CPSF2: variants seen among roughly 807,000 people sequenced by gnomAD.
CPSF2 encodes cleavage and polyadenylation specific factor 2.
In CPSF2, 51 loss-of-function variants were observed where a neutral mutation model predicts 84.2. The ratio of observed to expected loss-of-function variants is 0.61; its 90% CI spans 0.48 to 0.77. The LOEUF is 0.77. CPSF2 is among the 30% of genes least tolerant of loss of function. The probability of loss-of-function intolerance (pLI) is 0.00; values close to 1 mark genes in which losing one functional copy is unlikely to be tolerated. For missense variants in CPSF2, 641 were observed against 929.4 expected (o/e 0.69, Z 4.03); for synonymous variants, 286 against 311.9 (o/e 0.92, Z 0.87).
chr14:92,157,881 C>G lies in CPSF2; in HGVS notation c.1818C>G (p.Tyr606Ter). 1 of 1,607,488 alleles carries G rather than the reference C, an allele frequency of 6.2e-7. No individual in the cohort carries two copies. The highest frequency in any genetic ancestry group is 8.5e-7 in the Non-Finnish European group (1 of 1,174,062). ...TVDATSETHI[Y>*]QVRLKDSLVS... ...ATGCCACTAGTGAAACTCACATCTA[C>G]CAGGTAAACATGCCAGGAGTTGCCA... Residue 606 changes from tyrosine to a stop codon, truncating the protein, a stop_gained, in exon 13 of 16, where the codon TAC becomes TAG. Transcript: ENST00000298875. LOFTEE classifies it high-confidence loss of function. This position sits in a 1 kb window ranked among gnomAD's most constrained non-coding sequence, Gnocchi z 4.0.
chr14:92,150,196 C>T (rs1446406837), intron 9 of CPSF2, among the ~76,000 whole-genome samples: 1 of 151,278 alleles, frequency 6.6e-6, no homozygotes, highest in Non-Finnish European at 1.5e-5. Flanking sequence ...CTCACTGCAA[C>T]CTCTACTTCC....
intron 3 of CPSF2, among the ~76,000 whole-genome samples, chr14:92,133,077 G>A (rs374920679): frequency 1.4e-5 from 2 of 147,242 alleles, no homozygotes; most frequent in Non-Finnish European, 3.0e-5. Context: ...GCAACAGAGC[G>A]AGACTACATC....
In CPSF2 at chr14:92,134,372, G is replaced by T; in HGVS notation, c.415+17G>T. ...ATTTGAAAGGTAAAAAGAATTTCCA[G>T]TAGTAAGTATTTAGATGAATGGGGT... On this transcript the variant is annotated intron_variant, in intron 5 of 15. Transcript: ENST00000298875. The T allele has an allele frequency of 6.5e-7, 1 of 1,530,162 alleles. No homozygotes were observed. Among genetic ancestry groups the T allele is most frequent in the South Asian group, 1.1e-5 (1 of 88,274 alleles). The allele number at this position is 1,530,162 out of a possible 1,614,324, so 94.8% of individuals were successfully genotyped here.
intron 9 of CPSF2, among the ~76,000 whole-genome samples, chr14:92,149,150 T>C (rs1239479847): frequency 6.6e-6 from 1 of 152,224 alleles, no homozygotes; most frequent in Non-Finnish European, 1.5e-5. Flanking sequence ...CTTTTCACTG[T>C]GCCTACATTT....
chr14:92,138,426 G>A (rs552516979), intron 7 of CPSF2, 79 bp downstream of exon 7: 3 of 687,456 alleles, frequency 4.4e-6, no homozygotes, highest in South Asian at 3.3e-5. Context: ...GTACATAAAA[G>A]TACAGGTTTC....
chr14:92,138,460 C>G (rs1032604350), intron 7 of CPSF2, 113 bp downstream of exon 7: 4 of 497,414 alleles, frequency 8.0e-6, no homozygotes, highest in Non-Finnish European at 1.4e-5. Context: ...GACGGACTTT[C>G]GCTCTTTCAC....
Position 92,161,228 on chromosome 14 carries a change from T to C in CPSF2, c.2238T>C (p.Asn746=). The C allele has an allele frequency of 6.2e-7, 1 of 1,612,516 alleles. No homozygotes were observed. The highest frequency in any genetic ancestry group is 8.5e-7 in the Non-Finnish European group (1 of 1,179,432). The change falls in exon 15 of 16, where the codon AAT becomes AAC. Residue 746 remains asparagine (N), a synonymous_variant. Coordinates refer to ENST00000298875, the MANE Select transcript of CPSF2 (RefSeq NM_017437.3). ...EFVGGVLVCN[N]QVAVRRTETG... ...TAGGAGGTGTACTTGTTTGCAACAATCAAGTAGCAGTCCGCAGAGTAAGTG... is the reference window on the plus strand; with the variant it reads ...TAGGAGGTGTACTTGTTTGCAACAACCAAGTAGCAGTCCGCAGAGTAAGTG...
chr14:92,135,133 A>G (rs1007933962), intron 5 of CPSF2, among the ~76,000 whole-genome samples: 2 of 152,240 alleles, frequency 1.3e-5, no homozygotes, highest in Non-Finnish European at 2.9e-5. Context: ...TTATAAGCAC[A>G]AATAACTCTA....
intron 2 of CPSF2, 87 bp from the exon 3 acceptor site, chr14:92,130,864 A>T: frequency 1.2e-6 from 1 of 810,758 alleles, no homozygotes; most frequent in Non-Finnish European, 1.8e-6. Context: ...ATGCACTTAA[A>T]GATTTGAAAT....
At chr14:92,123,401 G>A (rs2068804254) in intron 1 of CPSF2, among the ~76,000 whole-genome samples, 2 of 151,058 alleles carry the variant, frequency 1.3e-5, no homozygotes, top group African/African-American at 4.9e-5. Flanking sequence ...ACCGCGCCTG[G>A]CCGATTTATT....
intron 12 of CPSF2, 58 bp downstream of exon 12, chr14:92,156,689 A>C: frequency 7.8e-7 from 1 of 1,284,556 alleles, no homozygotes; most frequent in Non-Finnish European, 1.1e-6. Context: ...CAAGCATTTG[A>C]ATTATATAAT....
intron 9 of CPSF2, among the ~76,000 whole-genome samples, chr14:92,149,971 A>T (rs190099203): frequency 5.3e-5 from 8 of 152,192 alleles, no homozygotes; most frequent in African/African-American, 1.7e-4. Flanking sequence ...AAGATTTTTT[A>T]AAATAATTTG....
intron 1 of CPSF2, 132 bp from the exon 2 acceptor site, chr14:92,125,990 A>T (rs1259735350): frequency 3.3e-5 from 5 of 152,164 alleles, no homozygotes; most frequent in Non-Finnish European, 5.9e-5. Flanking sequence ...TCTCTTTTTT[A>T]AAAAAGGACC....
intron 11 of CPSF2, 62 bp downstream of exon 11, chr14:92,155,385 T>C: frequency 7.5e-7 from 1 of 1,334,470 alleles, no homozygotes; most frequent in Non-Finnish European, 1.1e-6. Flanking sequence ...TGTTATCATT[T>C]CATTTCAGTG....
At chr14:92,150,882 A>G (rs1325860210) in intron 9 of CPSF2, among the ~76,000 whole-genome samples, 3 of 152,230 alleles carry the variant, frequency 2.0e-5, no homozygotes, top group Non-Finnish European at 4.4e-5. Flanking sequence ...TTTTCAAATG[A>G]AAATTTAGAA....
At chr14:92,141,251 A>G (rs779540750) in intron 7 of CPSF2, among the ~76,000 whole-genome samples, 79 of 152,260 alleles carry the variant, frequency 5.2e-4, no homozygotes, top group Non-Finnish European at 9.6e-4. Flanking sequence ...AACCATTTAC[A>G]TAGCATGTAC....
At position 92,167,738 on chromosome 14, in the gene CPSF2, T is replaced by G. The variant is rs1225354545; in HGVS notation, c.*5994T>G. 1 of 150,976 alleles carries G rather than the reference T, an allele frequency of 6.6e-6. No homozygotes were observed. Among genetic ancestry groups the G allele is most frequent in the African/African-American group, 2.5e-5 (1 of 40,814 alleles). 9.4% of individuals were successfully genotyped at this position (150,976 alleles called of 1,614,324 possible). A position where few individuals can be genotyped will look rare whatever the true frequency, so the allele number is the denominator to read the frequency against. ...CCAGTAAAGGTCGGGGGAGAAAGAG[T>G]AAATCTTATCTTCTTCTGTACTTTT... On this transcript the variant is annotated 3_prime_UTR_variant, in exon 16 of 16. Transcript: ENST00000298875.
rs1173473178 is a variant in CPSF2, at chr14:92,161,735, C to T, written c.2340C>T (p.Ala780=). 1.3e-6 allele frequency: 2 copies of T among 1,561,210 alleles called. No homozygotes were observed. The highest frequency in any genetic ancestry group is 1.7e-6 in the Non-Finnish European group (2 of 1,148,082). The part of the protein sequence containing the change: ...RIRDLLYEQY[A]IV ...GAGACCTTTTATATGAACAATATGC[C>T]ATTGTATAAAGGACATGATGTCAAG... Residue 780 remains alanine, a synonymous_variant, in exon 16 of 16, where the codon GCC becomes GCT. Transcript: ENST00000298875.
chr14:92,163,078 A>T lies in CPSF2; in HGVS notation c.*1334A>T, dbSNP rs2069396240. ...GCCACTGCACCTGGCTAATTTTTAT[A>T]TTTTTGGTAGAGACAGGGTTTCACC... On this transcript the variant is annotated 3_prime_UTR_variant, in exon 16 of 16. Transcript: ENST00000298875. 6.6e-6 allele frequency: 1 copy of T among 152,006 alleles called. No individual in the cohort carries two copies. Among genetic ancestry groups the T allele is most frequent in the African/African-American group, 2.4e-5 (1 of 41,374 alleles). The allele number at this position is 152,006 out of a possible 1,614,324, so 9.4% of individuals were successfully genotyped here. A position where few individuals can be genotyped will look rare whatever the true frequency, so the allele number is the denominator to read the frequency against.
Sources: allele counts gnomAD v4.1 joint callset (sites outside exome capture counted in the v4.1 genomes callset), GRCh38; gene constraint gnomAD v4.1.1; non-coding constraint Gnocchi (gnomAD v3.1); transcripts MANE v1.5; gene names NCBI Gene and HGNC (gene_info 2026-07-23, HGNC 2026-07-21).